The following BRF1 variants were observed in gnomAD, a reference collection of about 807,000 sequenced individuals.
BRF1 encodes BRF1 general transcription factor IIIB subunit.
A neutral mutation model predicts 81.7 loss-of-function variants in BRF1; 59 were observed. The observed-to-expected ratio is 0.72, with a 90% CI of 0.59 to 0.90. The LOEUF (loss-of-function observed/expected upper bound fraction) is 0.90. Ranked by LOEUF, BRF1 falls within the 40% of genes least tolerant of loss-of-function variation. The probability of loss-of-function intolerance (pLI) is 0.00; values close to 1 mark genes in which losing one functional copy is unlikely to be tolerated. For missense variants in BRF1, 1,050 were observed against 936.3 expected (o/e 1.12, Z -1.58); for synonymous variants, 491 against 395.6 (o/e 1.24, Z -2.86).
rs587685764 is a variant in BRF1, at chr14:105,248,510, G to A, written c.544+3997C>T. The A allele has an allele frequency of 1.1e-5, 11 of 981,262 alleles. No homozygotes were observed. The East Asian group carries it at 9.3e-4, about 83-fold the overall frequency. The allele number at this position is 981,262 out of a possible 1,614,324, so 60.8% of individuals were successfully genotyped here. A position where few individuals can be genotyped will look rare whatever the true frequency, so the allele number is the denominator to read the frequency against. ...GGGGGCGGGGCCGCGAGGCAGCGAC[G>A]TCGCGCGGGGCGCGGCCCTGACGCA... On this transcript the variant is annotated intron_variant, in intron 5 of 17. Coordinates refer to ENST00000547530, the MANE Select transcript of BRF1 (RefSeq NM_001519.4).
At chr14:105,278,660 CT>C (rs1352331496) in intron 2 of BRF1, among the ~76,000 whole-genome samples, 1 of 151,810 alleles carries the variant, frequency 6.6e-6, no homozygotes, top group African/African-American at 2.4e-5. Flanking sequence ...CATCCCAGCA[CT>C]TTGGGAGGCT....
chr14:105,315,019 G>GC lies in BRF1; in HGVS notation c.-162+302dup. On this transcript the variant is annotated intron_variant, in intron 1 of 17. Transcript: ENST00000327359. This position sits in a 1 kb window ranked among gnomAD's most constrained non-coding sequence, Gnocchi z 4.4. ...GCCACCTGGGAGGTGGACGGCTCCAGCCCCAGCTGCGTGCCCAGGTACGCG... is the reference window on the plus strand; with the variant it reads ...GCCACCTGGGAGGTGGACGGCTCCAGCCCCCAGCTGCGTGCCCAGGTACGCG... 1 of 1,226,124 alleles carries GC rather than the reference G, an allele frequency of 8.2e-7. No homozygotes were observed. The highest frequency in any genetic ancestry group is 4.8e-5 in the East Asian group (1 of 20,678). 76.0% of individuals were successfully genotyped at this position (1,226,124 alleles called of 1,614,324 possible). A position where few individuals can be genotyped will look rare whatever the true frequency, so the allele number is the denominator to read the frequency against.
At chr14:105,229,333 C>T (rs587729516) in intron 6 of BRF1, among the ~76,000 whole-genome samples, 39 of 152,298 alleles carry the variant, frequency 2.6e-4, no homozygotes, top group South Asian at 2.1e-3. Context: ...ACAGTGGGCC[C>T]AGAACCTCCA....
At position 105,314,990 on chromosome 14, in the gene BRF1, G is replaced by C. The variant is rs767806548; in HGVS notation, c.-162+332C>G. 35 of 1,252,436 alleles carry C rather than the reference G, an allele frequency of 2.8e-5. No homozygotes were observed. The highest frequency in any genetic ancestry group is 3.6e-5 in the Non-Finnish European group (35 of 977,634). 77.6% of individuals were successfully genotyped at this position (1,252,436 alleles called of 1,614,324 possible). On this transcript the variant is annotated intron_variant, in intron 1 of 17. Transcript: ENST00000327359. ...TCAACACGCCCGTGCCCATGAACCT[G>C]TTCGCCACCTGGGAGGTGGACGGCT...
intron 15 of BRF1, among the ~76,000 whole-genome samples, chr14:105,215,576 GCA>G (rs1891007507): frequency 7.5e-6 from 1 of 132,648 alleles, no homozygotes; most frequent in Non-Finnish European, 1.6e-5. Flanking sequence ...TACACTGCAG[GCA>G]CACAGACACA....
chr14:105,244,732 G>C (rs1416061539), intron 5 of BRF1, among the ~76,000 whole-genome samples: 1 of 151,954 alleles, frequency 6.6e-6, no homozygotes, highest in South Asian at 2.1e-4. Flanking sequence ...AAATTTGACA[G>C]ACTGATTAGG....
intron 16 of BRF1, 43 bp from the exon 17 acceptor site, chr14:105,211,336 C>G (rs1352360477): frequency 3.3e-6 from 5 of 1,518,244 alleles, no homozygotes; most frequent in Non-Finnish European, 4.4e-6. Flanking sequence ...GCTGGGAGCC[C>G]TGTGTATCTC....
At chr14:105,229,052 C>G (rs1288347526) in intron 6 of BRF1, 139 bp from the exon 7 acceptor site, 10 of 769,112 alleles carry the variant, frequency 1.3e-5, no homozygotes, top group African/African-American at 6.7e-5. Context: ...CAGTGAGACC[C>G]TCACTTGGCA....
intron 5 of BRF1, among the ~76,000 whole-genome samples, chr14:105,245,179 C>T (rs979403762): frequency 1.3e-5 from 2 of 151,878 alleles, no homozygotes; most frequent in Middle Eastern, 6.3e-3. Context: ...GGCAACACAG[C>T]GAAACCCCGT....
chr14:105,248,077 C>T, intron 5 of BRF1: 1 of 985,498 alleles, frequency 1.0e-6, no homozygotes, highest in Non-Finnish European at 1.2e-6. Context: ...CGACTAACCT[C>T]TCTGTGCCTA....
intron 1 of BRF1, among the ~76,000 whole-genome samples, chr14:105,286,919 C>G (rs2057336015): frequency 6.6e-6 from 1 of 152,348 alleles, no homozygotes; most frequent in South Asian, 2.1e-4. Context: ...GCTGGCCGTC[C>G]CCCTTGCCCC....
At chr14:105,301,371 G>C (rs2058017972), upstream of BRF1, 1 of 151,916 alleles carries the variant, frequency 6.6e-6, no homozygotes, top group Non-Finnish European at 1.5e-5. Flanking sequence ...AACTGGAGCT[G>C]TGGGCGGGGG....
Position 105,228,891 on chromosome 14 carries a change from C to G in BRF1, c.717G>C (p.Met239Ile), listed in dbSNP as rs762722957. The change falls in exon 7 of 18, where the codon ATG becomes ATC. Residue 239 changes from methionine to isoleucine, a missense_variant. By Grantham distance (10) the Met-to-Ile change is conservative (BLOSUM62 1). Around this residue, in one of 2 missense-constraint regions of BRF1, gnomAD observed 1,043 missense variants for 915.4 expected, o/e 1.14. Coordinates refer to ENST00000547530, the MANE Select transcript of BRF1 (RefSeq NM_001519.4). ...CGAALLVAAR[M>I]HDFRRTVKEV... ...CCTTCACAGTCCTCCTGAAGTCATG[C>G]ATTCTGGCTGCAACCAGGAGCGCTG... 5 of 1,613,652 alleles carry G rather than the reference C, an allele frequency of 3.1e-6. No homozygotes were observed. The highest frequency in any genetic ancestry group is 4.2e-6 in the Non-Finnish European group (5 of 1,180,016).
intron 5 of BRF1, chr14:105,248,567 G>T: frequency 1.2e-6 from 1 of 833,404 alleles, no homozygotes; most frequent in Non-Finnish European, 1.4e-6. Flanking sequence ...GCGGGTACGG[G>T]CTCGGGCGGG....
At chr14:105,275,594 T>C (rs1165392677) in intron 2 of BRF1, among the ~76,000 whole-genome samples, 1 of 152,176 alleles carries the variant, frequency 6.6e-6, no homozygotes, top group Non-Finnish European at 1.5e-5. Context: ...CTCTGCTGTA[T>C]GTTTGAAAAT....
upstream of BRF1, among the ~76,000 whole-genome samples, chr14:105,304,725 G>C (rs2058131683): frequency 6.6e-6 from 1 of 152,234 alleles, no homozygotes; most frequent in Non-Finnish European, 1.5e-5. Flanking sequence ...CCACGTGGCT[G>C]CAGAGGCCTC....
At chr14:105,279,051 A>T (rs28785556) in intron 2 of BRF1, among the ~76,000 whole-genome samples, 30,831 of 151,752 alleles carry the variant, frequency 0.2, 3,756 homozygotes, top group Non-Finnish European at 0.27. Context: ...TCAAAGAAAA[A>T]AATTAAAAAT....
At chr14:105,250,477 G>A (rs146594425) in intron 5 of BRF1, 76 of 1,613,828 alleles carry the variant, frequency 4.7e-5, no homozygotes, top group Middle Eastern at 3.3e-4. Context: ...TTGAACACCC[G>A]GTCCAGGTTG....
intron 1 of BRF1, among the ~76,000 whole-genome samples, chr14:105,310,835 T>A (rs1430889306): frequency 6.6e-6 from 1 of 152,268 alleles, no homozygotes; most frequent in African/African-American, 2.4e-5. Context: ...AGATACTTTC[T>A]TAACACTTTG....
Sources: gnomAD v4.1 joint callset for allele counts (sites outside exome capture counted in the v4.1 genomes callset) on GRCh38, gnomAD v4.1.1 for gene constraint, gnomAD v4.1.1 regional missense constraint, Gnocchi (gnomAD v3.1) non-coding constraint, MANE v1.5 for transcripts, NCBI Gene and HGNC (gene_info 2026-07-23, HGNC 2026-07-21) for gene names.